CTNNA3: variants seen among roughly 807,000 people sequenced by gnomAD.
The protein encoded by CTNNA3 is catenin alpha-3.
A neutral mutation model predicts 95.7 loss-of-function variants in CTNNA3; 76 were observed. The observed-to-expected ratio is 0.79, with a 90% CI of 0.66 to 0.96. CTNNA3 has a LOEUF of 0.96. Ranked by LOEUF, CTNNA3 falls within the 40% of genes least tolerant of loss-of-function variation. The pLI is 0.00. For synonymous variants in CTNNA3, 431 were observed against 374.4 expected, an observed-to-expected ratio of 1.15 and a Z score of -1.74; for missense variants, 1,191 against 1,089.8, an observed-to-expected ratio of 1.09 and a Z score of -1.31.
chr10:66,473,258 G>A (rs764457734), intron 11 of CTNNA3, among the ~76,000 whole-genome samples: 2 of 151,898 alleles, frequency 1.3e-5, no homozygotes, highest in Non-Finnish European at 2.9e-5. Context: ...CCTGATGGGA[G>A]GTAACTGGAT....
intron 13 of CTNNA3, among the ~76,000 whole-genome samples, chr10:66,128,969 CA>C (rs548146984): frequency 4.3e-4 from 63 of 147,422 alleles, no homozygotes; most frequent in African/African-American, 1.4e-3. Flanking sequence ...AAACAAAAAA[CA>C]AAAAAAAAAC....
intron 17 of CTNNA3, among the ~76,000 whole-genome samples, chr10:65,924,338 CTGCATCT>C (rs1671780025): frequency 6.6e-6 from 1 of 152,116 alleles, no homozygotes; most frequent in South Asian, 2.1e-4. Flanking sequence ...ATATTAAACC[CTGCATCT>C]TGATTATGCT....
At chr10:67,559,165 G>A (rs545340890) in intron 3 of CTNNA3, among the ~76,000 whole-genome samples, 1 of 152,344 alleles carries the variant, frequency 6.6e-6, no homozygotes, top group African/African-American at 2.4e-5. Flanking sequence ...CTGGAGATCT[G>A]AGAACAGGCA....
intron 12 of CTNNA3, among the ~76,000 whole-genome samples, chr10:66,317,492 T>C (rs1316971666): frequency 3.3e-5 from 5 of 151,832 alleles, no homozygotes; most frequent in Admixed American, 3.3e-4. Flanking sequence ...GCCAACATAG[T>C]GAAACCCCGT....
chr10:66,477,861 C>T (rs1211007718), intron 11 of CTNNA3, among the ~76,000 whole-genome samples: 2 of 152,066 alleles, frequency 1.3e-5, no homozygotes, highest in East Asian at 3.9e-4. Flanking sequence ...CATCCACTCT[C>T]ATAAGTAACA....
intron 10 of CTNNA3, among the ~76,000 whole-genome samples, chr10:66,610,117 A>C (rs1844274376): frequency 6.6e-6 from 1 of 152,112 alleles, no homozygotes; most frequent in Non-Finnish European, 1.5e-5. Context: ...GGATGGGAGG[A>C]GGAAGAGGAT....
intron 13 of CTNNA3, among the ~76,000 whole-genome samples, chr10:66,107,513 C>A (rs1023431152): frequency 6.6e-6 from 1 of 152,180 alleles, no homozygotes; most frequent in East Asian, 1.9e-4. Context: ...AAGCCAAAAA[C>A]AAATATAGAA....
intron 15 of CTNNA3, among the ~76,000 whole-genome samples, chr10:66,047,449 T>A (rs1413322266): frequency 6.6e-6 from 1 of 152,060 alleles, no homozygotes; most frequent in Non-Finnish European, 1.5e-5. Context: ...TTAAAAACTC[T>A]CCATAAACCA....
rs1345753399 is a variant in CTNNA3, at chr10:65,949,933, ATGT to A, written c.2400+16676_2400+16678del. Among the ~76,000 whole-genome samples, 5 of 152,136 alleles carry A rather than the reference ATGT, an allele frequency of 3.3e-5. No individual in the cohort carries two copies. The East Asian group carries it at 5.8e-4, about 18-fold the overall frequency. ...GCATCAGAGTGGGTGGAGACTGGAA[ATGT>A]TGTTAAACACTCTACAATGTTCAAG... On this transcript the variant is annotated intron_variant, in intron 17 of 17. Coordinates refer to ENST00000433211, the MANE Select transcript of CTNNA3 (RefSeq NM_013266.4).
At chr10:66,751,913 G>T (rs1253944118) in intron 9 of CTNNA3, among the ~76,000 whole-genome samples, 1 of 152,086 alleles carries the variant, frequency 6.6e-6, no homozygotes, top group East Asian at 1.9e-4. Context: ...ATGTTTGAAT[G>T]CTAAAAACTG....
chr10:66,652,667 C>G (rs1485696487), intron 9 of CTNNA3, among the ~76,000 whole-genome samples: 1 of 152,112 alleles, frequency 6.6e-6, no homozygotes, highest in Non-Finnish European at 1.5e-5. Flanking sequence ...CATACCAAAT[C>G]CATAAAAGGA....
chr10:65,920,581 T>G lies in CTNNA3; in HGVS notation c.2437A>C (p.Asn813His). The G allele has an allele frequency of 6.2e-7, 1 of 1,614,118 alleles. No individual in the cohort carries two copies. Among genetic ancestry groups the G allele is most frequent in the Non-Finnish European group, 8.5e-7 (1 of 1,179,994 alleles). Residue 813 changes from asparagine to histidine, a missense_variant, in exon 18 of 18, where the codon AAT becomes CAT. Coordinates refer to ENST00000433211, the MANE Select transcript of CTNNA3 (RefSeq NM_013266.4). ...SVTSLIQAAK[N>H]LMNAVVQTVK... ...GTTTGCACTACAGCATTCATTAAAT[T>G]TTTGGCTGCTTGGATCAGGGATGTG...
At chr10:67,426,670 G>A (rs114400031) in intron 5 of CTNNA3, among the ~76,000 whole-genome samples, 3 of 151,938 alleles carry the variant, frequency 2.0e-5, no homozygotes, top group South Asian at 4.2e-4. Flanking sequence ...GTGGGAGCCT[G>A]GGGGAGGGAT....
chr10:66,799,611 T>C (rs1257303125), intron 7 of CTNNA3, among the ~76,000 whole-genome samples: 1 of 151,416 alleles, frequency 6.6e-6, no homozygotes, highest in East Asian at 1.9e-4. Flanking sequence ...ATTAGAGAAA[T>C]GTGGGACACG....
intron 10 of CTNNA3, among the ~76,000 whole-genome samples, chr10:66,557,004 G>C (rs899829215): frequency 6.6e-6 from 1 of 151,818 alleles, no homozygotes; most frequent in Non-Finnish European, 1.5e-5. Context: ...TTATTAAAAA[G>C]TAAAAAAGTG....
intron 7 of CTNNA3, among the ~76,000 whole-genome samples, chr10:66,852,075 C>T (rs1417139821): frequency 6.6e-6 from 1 of 152,088 alleles, no homozygotes; most frequent in Non-Finnish European, 1.5e-5. Flanking sequence ...CGATAAAGGT[C>T]AAATGATTCC....
chr10:67,530,245 A>G (rs1476574659), intron 4 of CTNNA3, among the ~76,000 whole-genome samples: 6 of 152,242 alleles, frequency 3.9e-5, no homozygotes, highest in Admixed American at 1.3e-4. Context: ...GAACTGGGTA[A>G]CAGGCAGCGG....
intron 9 of CTNNA3, among the ~76,000 whole-genome samples, chr10:66,692,827 G>A (rs963877058): frequency 2.4e-4 from 37 of 152,070 alleles, no homozygotes; most frequent in South Asian, 6.2e-4. Context: ...TAAAGAAAAG[G>A]ATTTTCAACC....
intron 7 of CTNNA3, among the ~76,000 whole-genome samples, chr10:66,884,740 C>T (rs935560630): frequency 3.3e-5 from 5 of 151,980 alleles, no homozygotes; most frequent in African/African-American, 7.3e-5. Flanking sequence ...TGTTACATTG[C>T]AATAGATAAC....
Sources: allele counts gnomAD v4.1 joint callset (sites outside exome capture counted in the v4.1 genomes callset), GRCh38; gene constraint gnomAD v4.1.1; transcripts MANE v1.5; gene names NCBI Gene and HGNC (gene_info 2026-07-23, HGNC 2026-07-21).